PRKG1: variants seen among roughly 807,000 people sequenced by gnomAD.
PRKG1 encodes the protein cGMP-dependent protein kinase 1.
Under a neutral mutation model 88.1 loss-of-function variants are expected in PRKG1, and 35 were observed. The observed-to-expected ratio is 0.40, with a 90% CI of 0.30 to 0.53. The LOEUF (loss-of-function observed/expected upper bound fraction) is 0.53. Ranked by LOEUF, PRKG1 falls within the 20% of genes least tolerant of loss-of-function variation. The pLI, the probability that PRKG1 is intolerant of heterozygous loss-of-function variation, is 0.59. For synonymous variants in PRKG1, 303 were observed against 292.5 expected (o/e 1.04, Z -0.37); for missense variants, 540 against 839.8 (o/e 0.64, Z 4.41).
intron 3 of PRKG1, among the ~76,000 whole-genome samples, chr10:51,758,971 T>A (rs1285653704): frequency 6.6e-6 from 1 of 151,992 alleles, no homozygotes; most frequent in African/African-American, 2.4e-5. Context: ...CCTATGTTAG[T>A]TTGCTGAGAA....
chr10:52,220,241 G>A (rs1840209984), intron 9 of PRKG1, among the ~76,000 whole-genome samples: 1 of 152,084 alleles, frequency 6.6e-6, no homozygotes, highest in African/African-American at 2.4e-5. Context: ...TTCTGGGAAA[G>A]CCAGTCACCC....
chr10:51,115,836 G>GAAAAA (rs548541486), intron 1 of PRKG1, among the ~76,000 whole-genome samples: 5 of 131,312 alleles, frequency 3.8e-5, no homozygotes, highest in African/African-American at 1.5e-4. Context: ...ACTCCATCTC[G>GAAAAA]AAAAAAAAAA....
At chr10:51,826,179 A>G (rs1420297448) in intron 4 of PRKG1, among the ~76,000 whole-genome samples, 1 of 152,168 alleles carries the variant, frequency 6.6e-6, no homozygotes, top group Non-Finnish European at 1.5e-5. Flanking sequence ...TACATTTAAC[A>G]GTGTCACTGT....
chr10:51,460,313 A>G (rs2132795561), intron 2 of PRKG1, among the ~76,000 whole-genome samples: 1 of 152,268 alleles, frequency 6.6e-6, no homozygotes, highest in Admixed American at 6.5e-5. Context: ...TAGTGATTGT[A>G]GTACTCTTGC....
intron 5 of PRKG1, among the ~76,000 whole-genome samples, chr10:52,003,120 C>CT (rs558274375): frequency 3.9e-5 from 6 of 152,206 alleles, no homozygotes; most frequent in Admixed American, 6.6e-5. Context: ...CGGTATCATT[C>CT]TTTTTTTATG....
chr10:51,930,079 T>C (rs1238837608), intron 5 of PRKG1, among the ~76,000 whole-genome samples: 2 of 152,214 alleles, frequency 1.3e-5, no homozygotes, highest in Non-Finnish European at 2.9e-5. Context: ...ATGTCAGAAT[T>C]TCCTTCCTTC....
chr10:51,674,222 A>C lies in PRKG1; in HGVS notation c.593-130363A>C, dbSNP rs147779294. Among the ~76,000 whole-genome samples the C allele has an allele frequency of 2.2e-4, 34 of 152,194 alleles. No individual in the cohort carries two copies. In the East Asian group the frequency reaches 2.9e-3, roughly 13 times the overall value. On this transcript the variant is annotated intron_variant, in intron 3 of 17. Coordinates refer to ENST00000373980, the MANE Select transcript of PRKG1 (RefSeq NM_006258.4). ...TCTGGGGTACATGTGCAGAATGTGCAGGTTTGTTCCATAAATATACATGTG... is the reference window on the plus strand; with the variant it reads ...TCTGGGGTACATGTGCAGAATGTGCCGGTTTGTTCCATAAATATACATGTG...
intron 2 of PRKG1, among the ~76,000 whole-genome samples, chr10:51,280,607 C>T (rs1336872202): frequency 6.6e-6 from 1 of 152,178 alleles, no homozygotes; most frequent in Admixed American, 6.5e-5. Context: ...CGCTTCATTT[C>T]ATTCATTTGA....
At chr10:51,218,823 AT>A (rs761539989) in intron 2 of PRKG1, among the ~76,000 whole-genome samples, 4 of 151,966 alleles carry the variant, frequency 2.6e-5, no homozygotes, top group Non-Finnish European at 4.4e-5. Flanking sequence ...ATATCAATAA[AT>A]ATCAAAGAAA....
At chr10:52,026,556 G>T (rs1277644508) in intron 5 of PRKG1, among the ~76,000 whole-genome samples, 2 of 152,222 alleles carry the variant, frequency 1.3e-5, no homozygotes, top group Non-Finnish European at 2.9e-5. Context: ...ACTGAGGAAA[G>T]GCAGAATGGG....
At position 51,531,669 on chromosome 10, in the gene PRKG1, C is replaced by T. The variant is rs113290141; in HGVS notation, c.592+63833C>T. On this transcript the variant is annotated intron_variant, in intron 3 of 17. Coordinates refer to ENST00000373980, the MANE Select transcript of PRKG1 (RefSeq NM_006258.4). ...TTTTTTTTTTTTTTTTTTTTGAGAC[C>T]GTCTCACTCTTGTCCTCCAGGCTGG... Among the ~76,000 whole-genome samples, 194 of 103,834 alleles carry T rather than the reference C, an allele frequency of 1.9e-3. 2 individuals are homozygous for T. The highest frequency in any genetic ancestry group is 6.8e-3 in the African/African-American group (185 of 27,230). 68.1% of individuals were successfully genotyped at this position (103,834 alleles called of 152,430 possible).
chr10:51,774,621 A>T (rs1352205488), intron 3 of PRKG1, among the ~76,000 whole-genome samples: 1 of 152,110 alleles, frequency 6.6e-6, no homozygotes, highest in African/African-American at 2.4e-5. Context: ...CATATGAAAG[A>T]ATATCAATTA....
At chr10:51,712,539 ACT>A (rs1362253681) in intron 3 of PRKG1, among the ~76,000 whole-genome samples, 1 of 147,972 alleles carries the variant, frequency 6.8e-6, no homozygotes, top group Non-Finnish European at 1.5e-5. Context: ...TCATTATACA[ACT>A]CTGTCTTTTT....
chr10:51,707,294 ATATAGGCT>A (rs1368372956), intron 3 of PRKG1, among the ~76,000 whole-genome samples: 1 of 152,196 alleles, frequency 6.6e-6, no homozygotes, highest in East Asian at 1.9e-4. Context: ...ACTGTGGAGG[ATATAGGCT>A]TATTTAACAC....
intron 3 of PRKG1, among the ~76,000 whole-genome samples, chr10:51,691,575 C>T (rs1462357204): frequency 6.6e-6 from 1 of 152,182 alleles, no homozygotes; most frequent in Non-Finnish European, 1.5e-5. Context: ...CTTGGGCTCC[C>T]AAACAGCTGG....
rs577418249 is a variant in PRKG1 at position 51,007,506 on chromosome 10, ATTC to A, written c.266+15865_266+15867del. Among the ~76,000 whole-genome samples the A allele has an allele frequency of 1.4e-3, 209 of 152,328 alleles. 1 individual carries two copies. Among genetic ancestry groups the A allele is most frequent in the African/African-American group, 4.8e-3 (200 of 41,588 alleles). ...GAAAGCCTACAGGAAACCTTCTGGTATTCTTGTCCCTTCTAGGCCATAAGCACA... is the reference window on the plus strand; with the variant it reads ...GAAAGCCTACAGGAAACCTTCTGGTATTGTCCCTTCTAGGCCATAAGCACA... On this transcript the variant is annotated intron_variant, in intron 1 of 17. Coordinates refer to the PRKG1 transcript ENST00000401604.
intron 2 of PRKG1, among the ~76,000 whole-genome samples, chr10:51,267,329 A>T (rs1024987144): frequency 6.6e-6 from 1 of 152,332 alleles, no homozygotes; most frequent in Non-Finnish European, 1.5e-5. Flanking sequence ...CATCATATAA[A>T]CTTTCTTATG....
intron 7 of PRKG1, among the ~76,000 whole-genome samples, chr10:52,073,454 C>G (rs1024149073): frequency 5.3e-5 from 8 of 152,192 alleles, no homozygotes; most frequent in Admixed American, 5.2e-4. Flanking sequence ...TTGCCGCAGT[C>G]TCATGATCAG....
At chr10:51,145,703 A>G (rs1295017949) in intron 1 of PRKG1, among the ~76,000 whole-genome samples, 1 of 152,180 alleles carries the variant, frequency 6.6e-6, no homozygotes, top group Non-Finnish European at 1.5e-5. Context: ...AACACCTAAA[A>G]GAACAACAAT....
Sources: gnomAD v4.1 joint callset for allele counts (sites outside exome capture counted in the v4.1 genomes callset) on GRCh38, gnomAD v4.1.1 for gene constraint, MANE v1.5 for transcripts, NCBI Gene and HGNC (gene_info 2026-07-23, HGNC 2026-07-21) for gene names.